Variants in EHMT1 observed in about 807,000 individuals in gnomAD.
EHMT1 encodes euchromatic histone lysine methyltransferase 1, also known as histone-lysine N-methyltransferase EHMT1.
In EHMT1, 15 loss-of-function variants were observed where a neutral mutation model predicts 147.2. That is an observed-to-expected ratio of 0.10 (90% CI 0.07 to 0.16). The LOEUF is 0.16. Ranked by LOEUF, EHMT1 falls within the 10% of genes least tolerant of loss-of-function variation. The probability of loss-of-function intolerance (pLI) is 1.00; values close to 1 mark genes in which losing one functional copy is unlikely to be tolerated. For synonymous variants in EHMT1, 795 were observed against 709.6 expected (o/e 1.12, Z -1.91); for missense variants, 1,587 against 1,772.4 (o/e 0.90, Z 1.88).
intron 1 of EHMT1, among the ~76,000 whole-genome samples, chr9:137,628,577 G>C (rs1197813464): frequency 1.3e-5 from 2 of 152,180 alleles, no homozygotes; most frequent in African/African-American, 4.8e-5. Context: ...GCTGTGGCTG[G>C]CCTGAGAAGC....
intron 4 of EHMT1, among the ~76,000 whole-genome samples, chr9:137,740,976 AT>A (rs1167049276): frequency 5.0e-5 from 6 of 119,448 alleles, no homozygotes; most frequent in Non-Finnish European, 8.8e-5. Context: ...CCCCGACATG[AT>A]TTTTTTTTTG....
At chr9:137,742,224 C>G (rs1948150480) in intron 4 of EHMT1, among the ~76,000 whole-genome samples, 3 of 151,944 alleles carry the variant, frequency 2.0e-5, no homozygotes, top group Admixed American at 2.0e-4. Context: ...GACCTACCCG[C>G]TTTGGATGGT....
Position 137,814,484 on chromosome 9 carries a change from C to T in EHMT1, c.3234C>T (p.Leu1078=), listed in dbSNP as rs772448960. ...CCAGCAACTGCATGTGCGGCCAGCT[C>T]AGCATGCGCTGCTGGTACGACAAGG... The part of the protein sequence containing the change: ...CSSSNCMCGQ[L]SMRCWYDKDG... Residue 1078 remains leucine, a synonymous_variant, in exon 22 of 27, where the codon CTC becomes CTT. Coordinates refer to ENST00000460843, the MANE Select transcript of EHMT1 (RefSeq NM_024757.5). 13 of 1,608,326 alleles carry T rather than the reference C, an allele frequency of 8.1e-6. No homozygotes were observed. The highest frequency in any genetic ancestry group is 8.5e-7 in the Non-Finnish European group (1 of 1,180,020).
intron 1 of EHMT1, among the ~76,000 whole-genome samples, chr9:137,628,040 C>T (rs1296158520): frequency 5.3e-5 from 8 of 152,162 alleles, no homozygotes; most frequent in Non-Finnish European, 1.2e-4. Context: ...TGGGGCTAAA[C>T]GTCTGGTGTC....
At chr9:137,623,517 C>T (rs1246799703) in intron 1 of EHMT1, among the ~76,000 whole-genome samples, 9 of 151,702 alleles carry the variant, frequency 5.9e-5, no homozygotes, top group South Asian at 2.1e-4. Flanking sequence ...TGGGTTCAAG[C>T]GATTCTCCTG....
chr9:137,750,449 C>T (rs1433146942), intron 6 of EHMT1, among the ~76,000 whole-genome samples: 1 of 152,126 alleles, frequency 6.6e-6, no homozygotes, highest in Non-Finnish European at 1.5e-5. Context: ...CTTAATATCA[C>T]CAGAGTACCT....
chr9:137,708,807 C>G (rs1944456285), intron 1 of EHMT1, among the ~76,000 whole-genome samples: 1 of 152,070 alleles, frequency 6.6e-6, no homozygotes, highest in African/African-American at 2.4e-5. Context: ...AGTGGCATGT[C>G]CAGGCCTGAG....
rs1343570800 is a variant in EHMT1, at chr9:137,782,640, C to T, written c.2382+243C>T. On this transcript the variant is annotated intron_variant, in intron 15 of 26. Transcript: ENST00000460843. The surrounding 1 kb of genome is among the most constrained non-coding windows in gnomAD (Gnocchi z 5.7). Reference sequence around the variant, plus strand: ...CGCCATTTGGCTGTTTCTTGATTTGCTTTCTTTGGTTTTGGTTTTGGTTCT... The same window carrying T: ...CGCCATTTGGCTGTTTCTTGATTTGTTTTCTTTGGTTTTGGTTTTGGTTCT... Among the ~76,000 whole-genome samples the T allele has an allele frequency of 1.3e-5, 2 of 152,144 alleles. No homozygotes were observed. The highest frequency in any genetic ancestry group is 2.9e-5 in the Non-Finnish European group (2 of 68,034).
intron 1 of EHMT1, among the ~76,000 whole-genome samples, chr9:137,655,063 A>G (rs1382300602): frequency 6.6e-6 from 1 of 151,588 alleles, no homozygotes; most frequent in Non-Finnish European, 1.5e-5. Context: ...CAATGGCATG[A>G]TCTCGGCTCA....
chr9:137,722,856 G>C (rs1335919326), intron 3 of EHMT1, among the ~76,000 whole-genome samples: 1 of 152,214 alleles, frequency 6.6e-6, no homozygotes, highest in African/African-American at 2.4e-5. Context: ...GGTGTGCTCT[G>C]TGTCTGTGGT....
At chr9:137,712,747 T>G (rs987535531) in intron 2 of EHMT1, among the ~76,000 whole-genome samples, 1 of 152,208 alleles carries the variant, frequency 6.6e-6, no homozygotes, top group South Asian at 2.1e-4. Context: ...GATGGTGTCC[T>G]TTGAAGTATA....
chr9:137,728,620 C>T (rs781268358), intron 4 of EHMT1, 91 bp downstream of exon 4: 110 of 1,551,342 alleles, frequency 7.1e-5, no homozygotes, highest in Non-Finnish European at 9.1e-5. Flanking sequence ...GCTGTAAGTG[C>T]CTGTGCTGCT....
In EHMT1 at chr9:137,829,995, C is replaced by G. The variant is rs1257613190; in HGVS notation, c.3541-4354C>G. On this transcript the variant is annotated intron_variant, in intron 25 of 26. Transcript: ENST00000460843. The stretch of plus-strand genomic sequence containing the variant: ...AGGCAAGATCAATGCTTTATTCTTA[C>G]CATTTAGTTATCAAGTTTCAGAGGG... Among the ~76,000 whole-genome samples the G allele has an allele frequency of 2.6e-5, 4 of 152,188 alleles. No homozygotes were observed. The South Asian group carries it at 8.3e-4, about 31-fold the overall frequency.
At chr9:137,726,510 C>G (rs934965539) in intron 3 of EHMT1, among the ~76,000 whole-genome samples, 1 of 151,696 alleles carries the variant, frequency 6.6e-6, no homozygotes, top group Non-Finnish European at 1.5e-5. Flanking sequence ...CTTTGCTGAT[C>G]CGTTCGCCCG....
chr9:137,748,859 G>A (rs558772176), intron 6 of EHMT1, among the ~76,000 whole-genome samples: 7 of 152,202 alleles, frequency 4.6e-5, no homozygotes, highest in Admixed American at 2.6e-4. Flanking sequence ...TTGTGTAGTC[G>A]ACATGATTCC....
intron 1 of EHMT1, among the ~76,000 whole-genome samples, chr9:137,710,372 G>T (rs1477374394): frequency 1.3e-5 from 2 of 152,112 alleles, no homozygotes; most frequent in Non-Finnish European, 2.9e-5. Flanking sequence ...ACTCAGGTGG[G>T]TGAGGCCTGA....
intron 25 of EHMT1, among the ~76,000 whole-genome samples, chr9:137,820,501 T>C (rs1459694436): frequency 2.0e-5 from 3 of 152,244 alleles, no homozygotes; most frequent in African/African-American, 7.2e-5. Flanking sequence ...CTTTTTTTTA[T>C]TCTAGTTCAG....
rs759069316 is a variant in EHMT1 at position 137,817,419 on chromosome 9, C to T, written c.3375-20C>T. 6.2e-7 allele frequency: 1 copy of T among 1,613,380 alleles called. No homozygotes were observed. Among genetic ancestry groups the T allele is most frequent in the Non-Finnish European group, 8.5e-7 (1 of 1,179,646 alleles). On this transcript the variant is annotated intron_variant, in intron 23 of 26. Transcript: ENST00000460843. ...GGCTGAGGCTGTGGCCTGGGTTCAC[C>T]ACTACTCTCTATTTTTCAGGGCAAG... is the stretch of plus-strand genomic sequence containing the variant.
At chr9:137,754,755 G>A (rs1949246143) in intron 8 of EHMT1, among the ~76,000 whole-genome samples, 1 of 152,130 alleles carries the variant, frequency 6.6e-6, no homozygotes, top group South Asian at 2.1e-4. Context: ...GAGCTCAAGC[G>A]ATCTGCCCGT....
Sources: allele counts gnomAD v4.1 joint callset (sites outside exome capture counted in the v4.1 genomes callset), GRCh38; gene constraint gnomAD v4.1.1; non-coding constraint Gnocchi (gnomAD v3.1); transcripts MANE v1.5; gene names NCBI Gene and HGNC (gene_info 2026-07-23, HGNC 2026-07-21).